ATXN7: variants seen among roughly 807,000 people sequenced by gnomAD.
ATXN7 encodes the protein ataxin 7.
Under a neutral mutation model 70.5 loss-of-function variants are expected in ATXN7, and 12 were observed. The observed-to-expected ratio is 0.17, with a 90% confidence interval of 0.11 to 0.28. The LOEUF is 0.28. Among genes scored for constraint, ATXN7 ranks in the 10% least tolerant of loss-of-function variants. The pLI, the probability that ATXN7 is intolerant of heterozygous loss-of-function variation, is 1.00. For missense variants in ATXN7, 1,256 were observed against 1,131.7 expected, an observed-to-expected ratio of 1.11 and a Z score of -1.58; for synonymous variants, 498 against 448.7, an observed-to-expected ratio of 1.11 and a Z score of -1.39.
chr3:63,863,352 G>A (rs1408795108), upstream of ATXN7, among the ~76,000 whole-genome samples: 2 of 152,000 alleles, frequency 1.3e-5, no homozygotes, highest in African/African-American at 4.8e-5. Flanking sequence ...CCCTAAGCCC[G>A]GCACCACTGT....
intron 1 of ATXN7, among the ~76,000 whole-genome samples, chr3:63,892,664 G>A (rs704362): frequency 0.8 from 122,419 of 152,092 alleles, 49,480 homozygotes; most frequent in Admixed American, 0.87. Context: ...CCTAATTGCG[G>A]GTTCTTAGCA....
At chr3:63,939,798 C>A (rs1008092375) in intron 4 of ATXN7, among the ~76,000 whole-genome samples, 1 of 152,156 alleles carries the variant, frequency 6.6e-6, no homozygotes, top group Non-Finnish European at 1.5e-5. Flanking sequence ...AGCCAGCAGT[C>A]TAGCAGCCAC....
rs772604891 is a variant in ATXN7, at chr3:63,913,222, G to C, written c.391G>C (p.Glu131Gln). The change falls in exon 4 of 13, where the codon GAA becomes CAA. Residue 131 changes from glutamate to glutamine, a missense_variant. Transcript: ENST00000674280. ...CCGCGAAGTCATGGGGCTCTGTCGG[G>C]AAGGTGAGTCCAGCCCCCCTGATGG... ...KNREVMGLCR[E>Q]DMPIFGFCPA... 1 of 1,613,842 alleles carries C rather than the reference G, an allele frequency of 6.2e-7. No individual in the cohort carries two copies. The highest frequency in any genetic ancestry group is 1.3e-5 in the African/African-American group (1 of 74,956).
At chr3:63,909,344 C>G (rs1026684049) in intron 2 of ATXN7, among the ~76,000 whole-genome samples, 3 of 152,286 alleles carry the variant, frequency 2.0e-5, no homozygotes, top group African/African-American at 7.2e-5. Context: ...GGCAGGAGGA[C>G]TGCTTGGGCT....
rs560428028 is a variant in ATXN7 at position 64,000,401 on chromosome 3, G to C, written c.*934G>C. 22 of 152,576 alleles carry C rather than the reference G, an allele frequency of 1.4e-4. No individual in the cohort carries two copies. The highest frequency in any genetic ancestry group is 3.9e-4 in the Admixed American group (6 of 15,286). The allele number at this position is 152,576 out of a possible 1,614,324, so 9.5% of individuals were successfully genotyped here. ...AGTTTTCATAGTAAACAGTATGGCA[G>C]ATTGGGTTGGTTGTCCTACCTGGTC... On this transcript the variant is annotated 3_prime_UTR_variant, in exon 13 of 13. Coordinates refer to ENST00000674280, the MANE Select transcript of ATXN7 (RefSeq NM_001377405.1).
At chr3:63,893,038 C>T (rs901432663) in intron 1 of ATXN7, among the ~76,000 whole-genome samples, 1 of 152,146 alleles carries the variant, frequency 6.6e-6, no homozygotes, top group Non-Finnish European at 1.5e-5. Flanking sequence ...CATGCACTAC[C>T]TCAGCTTTTA....
intron 4 of ATXN7, among the ~76,000 whole-genome samples, chr3:63,923,801 TAAAA>T (rs368295726): frequency 5.2e-4 from 79 of 151,156 alleles, no homozygotes; most frequent in African/African-American, 1.2e-4. Flanking sequence ...TCACAAAAAG[TAAAA>T]AAGAAAGAAG....
At chr3:63,959,669 T>C (rs1313029414) in intron 5 of ATXN7, among the ~76,000 whole-genome samples, 1 of 152,210 alleles carries the variant, frequency 6.6e-6, no homozygotes, top group Non-Finnish European at 1.5e-5. Context: ...TCAGCTAATA[T>C]AAATTTATCT....
At chr3:63,872,824 G>C (rs575783396) in intron 1 of ATXN7, among the ~76,000 whole-genome samples, 1 of 152,284 alleles carries the variant, frequency 6.6e-6, no homozygotes, top group East Asian at 1.9e-4. Context: ...TACCTCTTGG[G>C]ATAACAGCTC....
chr3:63,887,406 A>G (rs147684145), intron 1 of ATXN7, among the ~76,000 whole-genome samples: 4 of 152,368 alleles, frequency 2.6e-5, no homozygotes, highest in African/African-American at 4.8e-5. Context: ...ATTGCCATGT[A>G]TACATTTTAA....
At chr3:63,974,085 G>A (rs1223418201) in intron 5 of ATXN7, among the ~76,000 whole-genome samples, 3 of 152,026 alleles carry the variant, frequency 2.0e-5, no homozygotes, top group African/African-American at 7.3e-5. Flanking sequence ...GGTTTCGTCG[G>A]AGACCCTCCC....
At chr3:63,980,299 A>T in intron 6 of ATXN7, 132 bp downstream of exon 6, 1 of 1,270,012 alleles carries the variant, frequency 7.9e-7, no homozygotes, top group Non-Finnish European at 1.1e-6. Flanking sequence ...TGTATGTTGT[A>T]TTGTTTCTTG....
intron 1 of ATXN7, among the ~76,000 whole-genome samples, chr3:63,879,337 TA>T (rs1004647053): frequency 4.6e-5 from 7 of 152,156 alleles, no homozygotes; most frequent in African/African-American, 1.7e-4. Context: ...AACTAACATT[TA>T]AAAAATATGC....
rs771608458 is a variant in ATXN7 at position 63,996,487 on chromosome 3, G to T, written c.2661+4G>T. 6.2e-7 allele frequency: 1 copy of T among 1,613,378 alleles called. No homozygotes were observed. Among genetic ancestry groups the T allele is most frequent in the Non-Finnish European group, 8.5e-7 (1 of 1,179,412 alleles). ...GAACAGTTCCCTCCTTCATCAGGTA[G>T]GAAATGGACTGTGAGCCCCATGGGA... On this transcript the variant is annotated splice_donor_region_variant and intron_variant, in intron 12 of 12. Transcript: ENST00000674280.
In ATXN7 at chr3:63,995,813, C is replaced by T. The variant is rs1181470393; in HGVS notation, c.1991C>T (p.Ser664Phe). ...CCCTCTGGCCTTTCCTCGGTTCCTT[C>T]CTCCCCCATGTCCAGGAAACCTCAG... ...STPSGLSSVP[S>F]SPMSRKPQKL... The change falls in exon 12 of 13, where the codon TCC becomes TTC. Residue 664 changes from serine (S) to phenylalanine (F), a missense_variant. Coordinates refer to ENST00000674280, the MANE Select transcript of ATXN7 (RefSeq NM_001377405.1). 2 of 1,614,120 alleles carry T rather than the reference C, an allele frequency of 1.2e-6. No individual in the cohort carries two copies. Among genetic ancestry groups the T allele is most frequent in the Middle Eastern group, 1.6e-4 (1 of 6,084 alleles).
intron 6 of ATXN7, among the ~76,000 whole-genome samples, chr3:63,981,069 T>A (rs1283679120): frequency 6.6e-6 from 1 of 152,192 alleles, no homozygotes; most frequent in Non-Finnish European, 1.5e-5. Flanking sequence ...CAGCCTGCTT[T>A]TGGAGGGTAT....
At chr3:63,987,525 T>A (rs190885338) in intron 8 of ATXN7, among the ~76,000 whole-genome samples, 1 of 152,206 alleles carries the variant, frequency 6.6e-6, no homozygotes, top group Non-Finnish European at 1.5e-5. Flanking sequence ...TGGGCCACTT[T>A]CTATTTTTGC....
intron 2 of ATXN7, among the ~76,000 whole-genome samples, chr3:63,910,031 A>G (rs1366990842): frequency 6.6e-6 from 1 of 152,190 alleles, no homozygotes; most frequent in Non-Finnish European, 1.5e-5. Flanking sequence ...TGCCAAGAGG[A>G]TACTTAATAT....
intron 11 of ATXN7, among the ~76,000 whole-genome samples, chr3:63,993,275 A>ATTT (rs556994956): frequency 2.6e-5 from 3 of 115,990 alleles, no homozygotes; most frequent in African/African-American, 6.5e-5. Flanking sequence ...TTGTTGGTGT[A>ATTT]TTTTTTTTTT....
Sources: allele counts gnomAD v4.1 joint callset (sites outside exome capture counted in the v4.1 genomes callset), GRCh38; gene constraint gnomAD v4.1.1; transcripts MANE v1.5; gene names NCBI Gene and HGNC (gene_info 2026-07-23, HGNC 2026-07-21).